CHRNA7: variants seen among roughly 807,000 people sequenced by gnomAD.
CHRNA7 encodes the protein neuronal acetylcholine receptor subunit alpha-7.
A neutral mutation model predicts 48.0 loss-of-function variants in CHRNA7; 17 were observed. The ratio of observed to expected loss-of-function variants is 0.35; its 90% CI spans 0.24 to 0.53. The LOEUF (loss-of-function observed/expected upper bound fraction) is 0.53, where lower values mean the gene tolerates loss of function less well. Among genes scored for constraint, CHRNA7 ranks in the 20% least tolerant of loss-of-function variants. The probability of loss-of-function intolerance (pLI) is 0.92; values close to 1 mark genes in which losing one functional copy is unlikely to be tolerated. For synonymous variants in CHRNA7, 75 were observed against 242.3 expected, an observed-to-expected ratio of 0.31 and a Z score of 6.41; for missense variants, 155 against 577.7, an observed-to-expected ratio of 0.27 and a Z score of 7.50.
At chr15:32,148,822 T>C (rs1449234883) in intron 4 of CHRNA7, among the ~76,000 whole-genome samples, 1 of 152,236 alleles carries the variant, frequency 6.6e-6, no homozygotes, top group Non-Finnish European at 1.5e-5. Flanking sequence ...TCCTTCGTTC[T>C]GGCTTATCTC....
At chr15:32,043,002 A>G (rs1187791795) in intron 2 of CHRNA7, among the ~76,000 whole-genome samples, 1 of 152,252 alleles carries the variant, frequency 6.6e-6, no homozygotes, top group Admixed American at 6.5e-5. Flanking sequence ...ATTCTGGCAG[A>G]GTTCATGCTA....
At position 32,033,513 on chromosome 15, in the gene CHRNA7, A is replaced by C. The variant is rs138997315; in HGVS notation, c.195+2476A>C. ...TAGACTTGGTAACTTCGGCAGAACA[A>C]AGTCATTTAATTTATTTAAACTGGG... On this transcript the variant is annotated intron_variant, in intron 2 of 9. Transcript: ENST00000306901. 2.9e-4 allele frequency among the ~76,000 whole-genome samples: 44 copies of C among 152,334 alleles called. No individual in the cohort carries two copies. The East Asian group carries it at 7.7e-3, about 27-fold the overall frequency.
chr15:32,105,477 G>A (rs931419151), intron 3 of CHRNA7, among the ~76,000 whole-genome samples: 1 of 136,898 alleles, frequency 7.3e-6, no homozygotes, highest in African/African-American at 2.9e-5. Context: ...GAGGAGGAGA[G>A]GAGGAAAGGA....
chr15:32,136,968 C>T (rs1164997344), intron 4 of CHRNA7, among the ~76,000 whole-genome samples: 32 of 131,410 alleles, frequency 2.4e-4, no homozygotes, highest in Non-Finnish European at 3.6e-4. Flanking sequence ...GGAGGCGGAG[C>T]TTGCAGTGAG....
At chr15:32,069,307 T>C (rs774891257) in intron 2 of CHRNA7, among the ~76,000 whole-genome samples, 2 of 152,206 alleles carry the variant, frequency 1.3e-5, no homozygotes, top group Admixed American at 6.5e-5. Context: ...AGGATATTTA[T>C]CCAATGAAAT....
intron 2 of CHRNA7, among the ~76,000 whole-genome samples, chr15:32,083,319 C>G (rs577583294): frequency 6.6e-6 from 1 of 152,242 alleles, no homozygotes; most frequent in African/African-American, 2.4e-5. Context: ...CTCTCTAGCC[C>G]TTCTGTCTTC....
intron 4 of CHRNA7, among the ~76,000 whole-genome samples, chr15:32,148,453 C>T (rs2051539651): frequency 6.6e-6 from 1 of 152,200 alleles, no homozygotes; most frequent in South Asian, 2.1e-4. Context: ...TGCTACAGAG[C>T]TGACTGAGGC....
chr15:32,030,668 C>T lies in CHRNA7; in HGVS notation c.55+19C>T. 6.4e-7 allele frequency: 1 copy of T among 1,567,876 alleles called. No homozygotes were observed. On this transcript the variant is annotated intron_variant, in intron 1 of 9. Transcript: ENST00000306901. ...CTGCACGGTAAAGCCACTGCCTCCC[C>T]GCCCTCCACTCCTCCGTGGGATCCC...
chr15:32,109,410 CT>C (rs2050726412), intron 3 of CHRNA7, among the ~76,000 whole-genome samples: 1 of 152,192 alleles, frequency 6.6e-6, no homozygotes, highest in Non-Finnish European at 1.5e-5. Context: ...TGCCAACTTC[CT>C]GTCTCATCCT....
intron 2 of CHRNA7, among the ~76,000 whole-genome samples, chr15:32,040,974 T>G (rs1358915103): frequency 6.6e-6 from 1 of 152,180 alleles, no homozygotes; most frequent in Admixed American, 6.5e-5. Flanking sequence ...ACTAATTATT[T>G]TACTCTACTC....
chr15:32,038,455 C>T (rs1027486519), intron 2 of CHRNA7, among the ~76,000 whole-genome samples: 10 of 151,996 alleles, frequency 6.6e-5, no homozygotes, highest in African/African-American at 2.4e-4. Flanking sequence ...TAATGTTGAG[C>T]CAGCCTTGAA....
Position 32,062,853 on chromosome 15 carries a change from G to A in CHRNA7, c.195+31816G>A, listed in dbSNP as rs145603454. ...CGTTCTGAGAAATGCATTATTAGGC[G>A]ATTTCGTTCTTGTACAAACATCAGA... On this transcript the variant is annotated intron_variant, in intron 2 of 9. Transcript: ENST00000306901. 4.6e-5 allele frequency among the ~76,000 whole-genome samples: 7 copies of A among 152,238 alleles called. 1 individual carries two copies. Among genetic ancestry groups the A allele is most frequent in the South Asian group, 2.1e-4 (1 of 4,826 alleles).
intron 4 of CHRNA7, chr15:32,112,195 G>A: frequency 1.8e-6 from 1 of 547,306 alleles, no homozygotes; most frequent in East Asian, 4.5e-5. Flanking sequence ...GGCACATGGA[G>A]TATTCTTGCA....
intron 3 of CHRNA7, among the ~76,000 whole-genome samples, chr15:32,105,916 C>G (rs1337221175): frequency 6.6e-6 from 1 of 152,208 alleles, no homozygotes; most frequent in Non-Finnish European, 1.5e-5. Flanking sequence ...TAACAGTCAT[C>G]TAGCCAGTGC....
chr15:32,072,922 G>A (rs1404568343), intron 2 of CHRNA7, among the ~76,000 whole-genome samples: 1 of 152,228 alleles, frequency 6.6e-6, no homozygotes, highest in Non-Finnish European at 1.5e-5. Context: ...ACCATGGAGG[G>A]CGTCTAATAG....
At chr15:32,099,961 C>T (rs1340952281) in intron 2 of CHRNA7, 1 of 152,194 alleles carries the variant, frequency 6.6e-6, no homozygotes, top group African/African-American at 2.4e-5. Context: ...GAGACATCAT[C>T]CCATGTCCCT....
At chr15:32,119,515 C>T (rs2050930497) in intron 4 of CHRNA7, among the ~76,000 whole-genome samples, 1 of 152,286 alleles carries the variant, frequency 6.6e-6, no homozygotes, top group South Asian at 2.1e-4. Context: ...GGGTCAGAGA[C>T]ATGATGGGAG....
chr15:32,044,691 A>G (rs2049509195), intron 2 of CHRNA7, among the ~76,000 whole-genome samples: 1 of 152,368 alleles, frequency 6.6e-6, no homozygotes, highest in East Asian at 1.9e-4. Flanking sequence ...AACCAGGGGC[A>G]GTGTCTCTCC....
Position 32,168,762 on chromosome 15 carries a change from CATGGCTCCT to C in CHRNA7, c.*305_*313del. The C allele has an allele frequency of 4.5e-5, 1 of 22,292 alleles. No homozygotes were observed. Among genetic ancestry groups the C allele is most frequent in the East Asian group, 1.1e-3 (1 of 952 alleles). The allele number at this position is 22,292 out of a possible 1,614,324, so 1.4% of individuals were successfully genotyped here. Reference sequence around the variant, plus strand: ...CTGGAAAGCCCTTCGGAGAGCTCCCCATGGCTCCTCACCACCGAGACAGTTGGTTTTGCA... The same window carrying C: ...CTGGAAAGCCCTTCGGAGAGCTCCCCCACCACCGAGACAGTTGGTTTTGCA... On this transcript the variant is annotated 3_prime_UTR_variant, in exon 10 of 10. Coordinates refer to ENST00000306901, the MANE Select transcript of CHRNA7 (RefSeq NM_000746.6).
Sources: allele counts gnomAD v4.1 joint callset (sites outside exome capture counted in the v4.1 genomes callset), GRCh38; gene constraint gnomAD v4.1.1; transcripts MANE v1.5; gene names NCBI Gene and HGNC (gene_info 2026-07-23, HGNC 2026-07-21).